The following RFX3 variants were observed in gnomAD, a reference collection of about 807,000 sequenced individuals.
The protein encoded by RFX3 is transcription factor RFX3.
In RFX3, 14 loss-of-function variants were observed where a neutral mutation model predicts 98.6. The observed-to-expected ratio is 0.14, with a 90% CI of 0.09 to 0.22. The LOEUF (loss-of-function observed/expected upper bound fraction) is 0.22. Among genes scored for constraint, RFX3 ranks in the 10% least tolerant of loss-of-function variants. RFX3 has a pLI of 1.00. For missense variants in RFX3, 639 were observed against 926.9 expected (o/e 0.69, Z 4.03); for synonymous variants, 383 against 328.4 (o/e 1.17, Z -1.80).
At chr9:3,343,078 G>C (rs2131098407) in intron 3 of RFX3, among the ~76,000 whole-genome samples, 1 of 152,292 alleles carries the variant, frequency 6.6e-6, no homozygotes, top group South Asian at 2.1e-4. Context: ...TTCACAGGGA[G>C]AATCGGGTAA....
intron 1 of RFX3, among the ~76,000 whole-genome samples, chr9:3,410,142 C>T (rs1270237982): frequency 2.4e-5 from 3 of 123,032 alleles, no homozygotes; most frequent in East Asian, 3.0e-4. Context: ...GTGTTTAACA[C>T]GATTTCAAGT....
intron 16 of RFX3, among the ~76,000 whole-genome samples, chr9:3,226,717 G>C (rs1333832757): frequency 6.6e-6 from 1 of 152,164 alleles, no homozygotes; most frequent in African/African-American, 2.4e-5. Context: ...GATACCTTTT[G>C]TAGACATTTA....
intron 1 of RFX3, among the ~76,000 whole-genome samples, chr9:3,499,590 T>A (rs1171682268): frequency 6.6e-6 from 1 of 152,076 alleles, no homozygotes; most frequent in Non-Finnish European, 1.5e-5. Flanking sequence ...TGAAATACTG[T>A]TAAGTCAAAT....
intron 5 of RFX3, among the ~76,000 whole-genome samples, chr9:3,300,592 T>C (rs1033873360): frequency 6.6e-6 from 1 of 151,790 alleles, no homozygotes; most frequent in Non-Finnish European, 1.5e-5. Flanking sequence ...AGCTTTTCAG[T>C]TATAAAATAT....
In RFX3 at chr9:3,289,747, T is replaced by C. The variant is rs139867094; in HGVS notation, c.732-1497A>G. On this transcript the variant is annotated intron_variant, in intron 6 of 16. Transcript: ENST00000617270. ...GAAGCATATCCATGGTCTTCTTTACTCAAATTTAACTTGGAGATGGGATCT... is the reference window on the plus strand; with the variant it reads ...GAAGCATATCCATGGTCTTCTTTACCCAAATTTAACTTGGAGATGGGATCT... Among the ~76,000 whole-genome samples the C allele has an allele frequency of 7.4e-3, 1,133 of 152,232 alleles. 6 individuals carry two copies. The highest frequency in any genetic ancestry group is 0.026 in the African/African-American group (1,072 of 41,534).
At chr9:3,304,204 C>T (rs569251754) in intron 4 of RFX3, among the ~76,000 whole-genome samples, 4 of 151,858 alleles carry the variant, frequency 2.6e-5, no homozygotes, top group Admixed American at 6.6e-5. Context: ...TAAGAACTTC[C>T]GAGAAGCATA....
At chr9:3,317,058 C>T (rs971985095) in intron 4 of RFX3, among the ~76,000 whole-genome samples, 29 of 152,122 alleles carry the variant, frequency 1.9e-4, no homozygotes, top group African/African-American at 7.0e-4. Flanking sequence ...CCCGCATTGC[C>T]CAGACAATCC....
intron 5 of RFX3, among the ~76,000 whole-genome samples, chr9:3,294,911 G>T (rs1827810840): frequency 6.6e-6 from 1 of 151,994 alleles, no homozygotes; most frequent in Non-Finnish European, 1.5e-5. Flanking sequence ...CATATACAAG[G>T]CTGACCTATA....
chr9:3,388,033 G>A (rs1839909396), intron 2 of RFX3, among the ~76,000 whole-genome samples: 2 of 151,852 alleles, frequency 1.3e-5, no homozygotes, highest in South Asian at 2.1e-4. Flanking sequence ...CAAACTATAG[G>A]CAATTTTTAA....
chr9:3,294,654 T>C (rs1188128078), intron 5 of RFX3, among the ~76,000 whole-genome samples: 1 of 152,202 alleles, frequency 6.6e-6, no homozygotes, highest in African/African-American at 2.4e-5. Context: ...CTGACTTTAG[T>C]CATGACAACT....
intron 4 of RFX3, chr9:3,324,005 C>T (rs767559814): frequency 4.3e-5 from 19 of 443,786 alleles, no homozygotes; most frequent in South Asian, 3.2e-4. Context: ...AAATGAGGCC[C>T]AGAACCTTCA....
At chr9:3,373,973 G>C (rs1318798567) in intron 2 of RFX3, among the ~76,000 whole-genome samples, 1 of 152,072 alleles carries the variant, frequency 6.6e-6, no homozygotes, top group African/African-American at 2.4e-5. Context: ...AGCTACTCGG[G>C]AGGCTGAAGC....
At chr9:3,513,748 C>G (rs2133855831) in intron 1 of RFX3, among the ~76,000 whole-genome samples, 1 of 152,246 alleles carries the variant, frequency 6.6e-6, no homozygotes, top group South Asian at 2.1e-4. Context: ...GCATTTCTAT[C>G]AACCCCCAAA....
intron 1 of RFX3, among the ~76,000 whole-genome samples, chr9:3,423,655 C>A (rs994979607): frequency 1.3e-5 from 2 of 151,564 alleles, no homozygotes; most frequent in Admixed American, 1.3e-4. Flanking sequence ...TACAAGGGAG[C>A]TTCGGGAAGT....
At chr9:3,326,584 T>C (rs1009133733) in intron 4 of RFX3, among the ~76,000 whole-genome samples, 3 of 152,170 alleles carry the variant, frequency 2.0e-5, no homozygotes, top group Non-Finnish European at 4.4e-5. Context: ...GAACATGCAG[T>C]ATTTGGTTTT....
At chr9:3,457,673 A>G (rs1405775491) in intron 1 of RFX3, among the ~76,000 whole-genome samples, 2 of 152,078 alleles carry the variant, frequency 1.3e-5, no homozygotes, top group African/African-American at 4.8e-5. Flanking sequence ...TCTCAGTTTT[A>G]TAAGACATTT....
rs758985133 is a variant in RFX3, at chr9:3,399,270, G to A, written c.-8-3674C>T. Among the ~76,000 whole-genome samples the A allele has an allele frequency of 1.7e-3, 241 of 140,974 alleles. 2 individuals carry two copies. Among genetic ancestry groups the A allele is most frequent in the Non-Finnish European group, 2.9e-3 (193 of 65,934 alleles). 92.5% of individuals were successfully genotyped at this position (140,974 alleles called of 152,430 possible). A position where few individuals can be genotyped will look rare whatever the true frequency, so the allele number is the denominator to read the frequency against. ...GACAATACGGTGAAACCCTGTCTCT[G>A]CTTAAAAAAAAAAAAAAAAAAAAAT... On this transcript the variant is annotated intron_variant, in intron 1 of 16. Transcript: ENST00000617270.
intron 12 of RFX3, among the ~76,000 whole-genome samples, chr9:3,265,111 G>A (rs1823447694): frequency 6.6e-6 from 1 of 152,128 alleles, no homozygotes; most frequent in Non-Finnish European, 1.5e-5. Context: ...CTGCCATGAT[G>A]GACATGCTCT....
At chr9:3,461,006 A>T (rs1002927833) in intron 1 of RFX3, among the ~76,000 whole-genome samples, 19 of 151,532 alleles carry the variant, frequency 1.3e-4, no homozygotes, top group Non-Finnish European at 2.2e-4. Flanking sequence ...AATTTATAAA[A>T]TCTGGTAGTT....
Sources: allele counts gnomAD v4.1 joint callset (sites outside exome capture counted in the v4.1 genomes callset), GRCh38; gene constraint gnomAD v4.1.1; transcripts MANE v1.5; gene names NCBI Gene and HGNC (gene_info 2026-07-23, HGNC 2026-07-21).